NFASC: variants seen among roughly 807,000 people sequenced by gnomAD.
The protein encoded by NFASC is neurofascin, also known as neurofascin homolog.
A neutral mutation model predicts 147.5 loss-of-function variants in NFASC; 43 were observed. That is an observed-to-expected ratio of 0.29 (90% CI 0.23 to 0.38). The LOEUF is 0.38. Among genes scored for constraint, NFASC ranks in the 10% least tolerant of loss-of-function variants. The pLI is 1.00. For synonymous variants in NFASC, 622 were observed against 665.5 expected, an observed-to-expected ratio of 0.93 and a Z score of 1.01; for missense variants, 1,320 against 1,689.0, an observed-to-expected ratio of 0.78 and a Z score of 3.83.
At position 204,987,927 on chromosome 1, in the gene NFASC, A is replaced by T. The variant is rs113231665; in HGVS notation, c.2593+387A>T. On this transcript the variant is annotated intron_variant, in intron 22 of 29. Transcript: ENST00000339876. The surrounding 1 kb of genome is among the most constrained non-coding windows in gnomAD (Gnocchi z 4.4). Reference sequence around the variant, plus strand: ...ATACTCACAGGAGTCCACAGTCAGGACACCCCTTGACAAGATGTCATTTAT... The same window carrying T: ...ATACTCACAGGAGTCCACAGTCAGGTCACCCCTTGACAAGATGTCATTTAT... 0.035 allele frequency among the ~76,000 whole-genome samples: 5,208 copies of T among 147,072 alleles called. 126 individuals carry two copies. The highest frequency in any genetic ancestry group is 0.09 in the Middle Eastern group (25 of 278).
intron 10 of NFASC, 92 bp downstream of exon 10, chr1:204,969,074 G>A: frequency 1.7e-6 from 2 of 1,184,814 alleles, no homozygotes; most frequent in Non-Finnish European, 2.4e-6. Context: ...GGCAGAGTGA[G>A]TCGGAGAGAC....
In NFASC at chr1:204,913,715, T is replaced by TA. The variant is rs1291114658; in HGVS notation, c.-199-6911dup. On this transcript the variant is annotated intron_variant, in intron 1 of 29. Coordinates refer to ENST00000339876, the MANE Select transcript of NFASC (RefSeq NM_001005388.3). ...GTAACATGGTGACACCATGTCTCTA[T>TA]AAAAAATTTAAAAAATAGCCAGGTA... Among the ~76,000 whole-genome samples the TA allele has an allele frequency of 2.0e-5, 3 of 151,866 alleles. No homozygotes were observed. In the East Asian group the frequency reaches 5.8e-4, roughly 29 times the overall value.
In NFASC at chr1:204,981,980, C is replaced by T. The variant is rs369942209; in HGVS notation, c.2430C>T (p.Gly810=). 5 of 1,600,734 alleles carry T rather than the reference C, an allele frequency of 3.1e-6. No individual in the cohort carries two copies. Among genetic ancestry groups the T allele is most frequent in the Non-Finnish European group, 3.4e-6 (4 of 1,173,808 alleles). ...RVQAENDFGK[G]PEPESVIGYS... ...AGGCTGAAAATGACTTCGGGAAGGG[C>T]CCTGAGCCAGAGTCCGTCATCGGTT... Residue 810 remains glycine (G), a synonymous_variant, in exon 21 of 30, where the codon GGC becomes GGT. Transcript: ENST00000339876.
rs1000499285 is a variant in NFASC, at chr1:204,975,483, T to C, written c.1706+65T>C. On this transcript the variant is annotated intron_variant, in intron 15 of 29. Coordinates refer to ENST00000339876, the MANE Select transcript of NFASC (RefSeq NM_001005388.3). This position sits in a 1 kb window ranked among gnomAD's most constrained non-coding sequence, Gnocchi z 4.0. ...GGCGCATTTTCTTTTCCCTTGCTGT[T>C]GGTGACACATGGAAGAACACAGGGA... 1.7e-5 allele frequency: 26 copies of C among 1,557,582 alleles called. No individual in the cohort carries two copies. The highest frequency in any genetic ancestry group is 2.2e-5 in the Non-Finnish European group (25 of 1,141,880).
rs12081810 is a variant in NFASC at position 204,936,258 on chromosome 1, G to A, written c.-90-7968G>A. ...GCTCTGTAACCCATGCTGGAGTGCAGTGGCACAATCTTGGCTCACTGCAAC... is the reference window on the plus strand; with the variant it reads ...GCTCTGTAACCCATGCTGGAGTGCAATGGCACAATCTTGGCTCACTGCAAC... On this transcript the variant is annotated intron_variant, in intron 2 of 29. Coordinates refer to ENST00000339876, the MANE Select transcript of NFASC (RefSeq NM_001005388.3). Among the ~76,000 whole-genome samples, 115 of 142,372 alleles carry A rather than the reference G, an allele frequency of 8.1e-4. 1 individual carries two copies. Among genetic ancestry groups the A allele is most frequent in the African/African-American group, 3.0e-3 (113 of 38,266 alleles). The allele number at this position is 142,372 out of a possible 152,430, so 93.4% of individuals were successfully genotyped here. A position where few individuals can be genotyped will look rare whatever the true frequency, so the allele number is the denominator to read the frequency against.
intron 1 of NFASC, among the ~76,000 whole-genome samples, chr1:204,887,576 G>C (rs1035293277): frequency 1.5e-5 from 2 of 131,978 alleles, no homozygotes; most frequent in Non-Finnish European, 3.2e-5. Flanking sequence ...TTTTTGAGGA[G>C]CCTGATTGGC....
At chr1:204,970,297 G>C (rs892821880) in intron 10 of NFASC, among the ~76,000 whole-genome samples, 1 of 152,172 alleles carries the variant, frequency 6.6e-6, no homozygotes, top group African/African-American at 2.4e-5. Context: ...CCTCCTGTGA[G>C]GATTCTGATT....
intron 2 of NFASC, among the ~76,000 whole-genome samples, chr1:204,941,206 A>G (rs2093341836): frequency 6.6e-6 from 1 of 152,194 alleles, no homozygotes; most frequent in African/African-American, 2.4e-5. Flanking sequence ...TCTTCATCTG[A>G]AAAGAAAGGG....
intron 16 of NFASC, chr1:204,977,071 C>T: frequency 1.6e-6 from 2 of 1,232,888 alleles, no homozygotes; most frequent in Non-Finnish European, 2.0e-6. Context: ...AGAGGGGTTT[C>T]TCGTTGTGAT....
rs571955513 is a variant in NFASC at position 205,015,889 on chromosome 1, T to G, written c.3492-419T>G. Among the ~76,000 whole-genome samples, 73 of 152,202 alleles carry G rather than the reference T, an allele frequency of 4.8e-4. No individual in the cohort carries two copies. The highest frequency in any genetic ancestry group is 6.8e-3 in the Middle Eastern group (2 of 294). On this transcript the variant is annotated intron_variant, in intron 29 of 29. Transcript: ENST00000339876. The surrounding 1 kb of genome is among the most constrained non-coding windows in gnomAD (Gnocchi z 4.0). ...AGATCAAAGCTGGGCCAGCCCCTCT[T>G]GATGGACAGACTGAGGCCCAGGTCA...
rs777590659 is a variant in NFASC, at chr1:204,987,564, C to G, written c.2593+24C>G. ...CTGTACGTTCTGCCCTTCCCTTTCT[C>G]TTAGATAATCTGGGAACCAGAAACC... On this transcript the variant is annotated intron_variant, in intron 22 of 29. Coordinates refer to ENST00000339876, the MANE Select transcript of NFASC (RefSeq NM_001005388.3). The surrounding 1 kb of genome is among the most constrained non-coding windows in gnomAD (Gnocchi z 4.4). 5.0e-6 allele frequency: 8 copies of G among 1,613,302 alleles called. No individual in the cohort carries two copies. In the South Asian group the frequency reaches 7.7e-5, roughly 16 times the overall value.
At chr1:204,850,774 T>C (rs1454666588) in intron 1 of NFASC, among the ~76,000 whole-genome samples, 1 of 152,234 alleles carries the variant, frequency 6.6e-6, no homozygotes, top group Non-Finnish European at 1.5e-5. Flanking sequence ...ACTAAACCTC[T>C]TTCTTCATAA....
intron 7 of NFASC, among the ~76,000 whole-genome samples, chr1:204,957,264 T>A (rs936705870): frequency 6.6e-6 from 1 of 152,202 alleles, no homozygotes; most frequent in African/African-American, 2.4e-5. Context: ...GGCCTCTGAG[T>A]GCTGTCGCTG....
chr1:204,944,549 G>C, intron 3 of NFASC, 143 bp downstream of exon 3: 1 of 721,294 alleles, frequency 1.4e-6, no homozygotes, highest in African/African-American at 1.8e-5. Context: ...TCAGAGCTGG[G>C]TTTCTCTCCA....
chr1:205,002,662 A>G lies in NFASC; in HGVS notation c.3203A>G (p.Tyr1068Cys). ...QAQPIQLTDL[Y>C]PGMTYTLRVY... ...CAGCCTATACAGCTGACAGACCTCT[A>G]TCCCGGGATGACATACACGTTGCGG... The change falls in exon 27 of 30, where the codon TAT (tyrosine) becomes TGT (cysteine). Residue 1068 changes from tyrosine (Y) to cysteine (C), a missense_variant. Tyr to Cys is a radical substitution (Grantham distance 194). Transcript: ENST00000339876. 6.3e-7 allele frequency: 1 copy of G among 1,588,696 alleles called. No individual in the cohort carries two copies.
intron 1 of NFASC, among the ~76,000 whole-genome samples, chr1:204,836,582 G>C (rs1673862179): frequency 6.6e-6 from 1 of 152,216 alleles, no homozygotes; most frequent in Admixed American, 6.5e-5. Context: ...GTACATTGCT[G>C]TCAGGTGTTG....
At chr1:204,917,484 T>C (rs908397995) in intron 1 of NFASC, among the ~76,000 whole-genome samples, 1 of 152,184 alleles carries the variant, frequency 6.6e-6, no homozygotes, top group Non-Finnish European at 1.5e-5. Context: ...CCCTACCCAC[T>C]TCCCCCTTTC....
chr1:204,921,521 T>C (rs2090480570), intron 2 of NFASC, among the ~76,000 whole-genome samples: 1 of 152,070 alleles, frequency 6.6e-6, no homozygotes, highest in Non-Finnish European at 1.5e-5. Flanking sequence ...TGTTGTCTTT[T>C]TTCCTCCCAG....
rs549746261 is a variant in NFASC, at chr1:204,993,265, G to A, written c.2782+1959G>A. On this transcript the variant is annotated intron_variant, in intron 24 of 29. Transcript: ENST00000339876. Reference sequence around the variant, plus strand: ...CTGTAGTCTCTTAGGATTGCTGCCCGTCTGTCTGACAATCTGTGATTTGGC... The same window carrying A: ...CTGTAGTCTCTTAGGATTGCTGCCCATCTGTCTGACAATCTGTGATTTGGC... Among the ~76,000 whole-genome samples the A allele has an allele frequency of 3.9e-5, 6 of 152,266 alleles. No homozygotes were observed. In the East Asian group the frequency reaches 7.7e-4, roughly 20 times the overall value.
Sources: allele counts gnomAD v4.1 joint callset (sites outside exome capture counted in the v4.1 genomes callset), GRCh38; gene constraint gnomAD v4.1.1; non-coding constraint Gnocchi (gnomAD v3.1); transcripts MANE v1.5; gene names NCBI Gene and HGNC (gene_info 2026-07-23, HGNC 2026-07-21).